LEKR1: variants seen among roughly 807,000 people sequenced by gnomAD.
LEKR1 encodes the protein leucine, glutamate and lysine rich 1.
A neutral mutation model predicts 72.4 loss-of-function variants in LEKR1; 59 were observed. The ratio of observed to expected loss-of-function variants is 0.82; its 90% CI spans 0.66 to 1.01. The LOEUF is 1.01. LEKR1 is among the 50% of genes least tolerant of loss of function. The pLI, the probability that LEKR1 is intolerant of heterozygous loss-of-function variation, is 0.00. For synonymous variants in LEKR1, 257 were observed against 263.2 expected (o/e 0.98, Z 0.23); for missense variants, 728 against 759.2 (o/e 0.96, Z 0.48).
At chr3:156,978,394 T>G (rs1729890987) in intron 6 of LEKR1, among the ~76,000 whole-genome samples, 1 of 152,340 alleles carries the variant, frequency 6.6e-6, no homozygotes, top group East Asian at 1.9e-4. Context: ...TTGAACATTT[T>G]TTTTCTGGAG....
At chr3:156,953,866 T>C (rs1375826539) in intron 6 of LEKR1, among the ~76,000 whole-genome samples, 18 of 151,998 alleles carry the variant, frequency 1.2e-4, no homozygotes, top group Admixed American at 5.3e-4. Context: ...TTATTTATAT[T>C]CCTCTGGGTA....
At chr3:156,988,369 G>T (rs1730876858) in intron 7 of LEKR1, 1 of 229,796 alleles carries the variant, frequency 4.4e-6, no homozygotes, top group Non-Finnish European at 9.1e-6. Flanking sequence ...CTGCCAGTTT[G>T]TTGGGGAGCT....
At chr3:157,044,976 G>A (rs1421992611) in intron 12 of LEKR1, among the ~76,000 whole-genome samples, 1 of 152,126 alleles carries the variant, frequency 6.6e-6, no homozygotes, top group African/African-American at 2.4e-5. Flanking sequence ...AGAGCATACT[G>A]TCTGCGACTT....
chr3:156,897,918 A>G (rs1721361971), intron 3 of LEKR1, among the ~76,000 whole-genome samples: 1 of 150,306 alleles, frequency 6.7e-6, no homozygotes, highest in East Asian at 1.9e-4. Flanking sequence ...GTGCCACTGC[A>G]CTCCAGCCTG....
At chr3:156,849,546 G>A (rs1022613679) in intron 2 of LEKR1, among the ~76,000 whole-genome samples, 2 of 152,138 alleles carry the variant, frequency 1.3e-5, no homozygotes, top group Non-Finnish European at 2.9e-5. Context: ...CATGGTACTG[G>A]TACCAAAACA....
intron 3 of LEKR1, among the ~76,000 whole-genome samples, chr3:156,899,876 G>A (rs1721834003): frequency 6.6e-6 from 1 of 151,572 alleles, no homozygotes; most frequent in East Asian, 1.9e-4. Flanking sequence ...GTGTATTTAG[G>A]TGTGCAAATA....
chr3:157,012,523 C>A (rs921985183), intron 10 of LEKR1, among the ~76,000 whole-genome samples: 2 of 152,092 alleles, frequency 1.3e-5, no homozygotes, highest in Non-Finnish European at 2.9e-5. Context: ...ATACTGAAAC[C>A]CTTTAGGTAT....
At chr3:157,035,065 T>C (rs1734866485) in intron 12 of LEKR1, among the ~76,000 whole-genome samples, 1 of 152,246 alleles carries the variant, frequency 6.6e-6, no homozygotes, top group Admixed American at 6.5e-5. Flanking sequence ...AGATGATTGA[T>C]AGCATTTTTT....
At chr3:157,027,393 AT>A (rs1384714769) in intron 11 of LEKR1, among the ~76,000 whole-genome samples, 1 of 152,118 alleles carries the variant, frequency 6.6e-6, no homozygotes, top group Non-Finnish European at 1.5e-5. Context: ...TTAAAGAAAA[AT>A]TTATTGGTAC....
At chr3:156,835,498 C>T (rs879502651) in intron 2 of LEKR1, among the ~76,000 whole-genome samples, 7 of 152,168 alleles carry the variant, frequency 4.6e-5, no homozygotes, top group African/African-American at 7.2e-5. Context: ...CGCTATAGGA[C>T]GAGATAGTGA....
chr3:156,967,706 A>G (rs1158779345), intron 6 of LEKR1, among the ~76,000 whole-genome samples: 2 of 152,230 alleles, frequency 1.3e-5, no homozygotes, highest in African/African-American at 2.4e-5. Context: ...ACTCTGCAGG[A>G]TATTATCCAG....
chr3:157,042,408 G>T (rs1314271220), intron 12 of LEKR1, among the ~76,000 whole-genome samples: 2 of 152,180 alleles, frequency 1.3e-5, no homozygotes, highest in East Asian at 3.8e-4. Flanking sequence ...GTCAGTGTTG[G>T]TGGAAACTAT....
intron 12 of LEKR1, among the ~76,000 whole-genome samples, chr3:157,038,560 T>G (rs141247145): frequency 6.6e-6 from 1 of 152,244 alleles, no homozygotes; most frequent in Admixed American, 6.5e-5. Flanking sequence ...ACAGGCACTC[T>G]TAACTTTTAG....
At chr3:156,941,944 T>A (rs186195287) in intron 5 of LEKR1, among the ~76,000 whole-genome samples, 4 of 152,184 alleles carry the variant, frequency 2.6e-5, no homozygotes, top group Admixed American at 6.6e-5. Flanking sequence ...AATAATGACA[T>A]GATTATTATG....
intron 3 of LEKR1, among the ~76,000 whole-genome samples, chr3:156,884,218 A>C (rs1169995606): frequency 1.3e-5 from 2 of 152,150 alleles, no homozygotes; most frequent in African/African-American, 4.8e-5. Context: ...GTGGATTTTC[A>C]TCCATTCTGC....
At chr3:157,029,621 T>G (rs1265212854) in intron 12 of LEKR1, among the ~76,000 whole-genome samples, 1 of 152,180 alleles carries the variant, frequency 6.6e-6, no homozygotes, top group Non-Finnish European at 1.5e-5. Context: ...TTAAGTTCTC[T>G]TGTTGTTACA....
intron 12 of LEKR1, among the ~76,000 whole-genome samples, chr3:157,043,303 C>T (rs1241232912): frequency 6.6e-6 from 1 of 152,278 alleles, no homozygotes; most frequent in South Asian, 2.1e-4. Flanking sequence ...TGGACTAATA[C>T]ACCACTTTAA....
At chr3:156,849,813 A>G (rs1447816806) in intron 2 of LEKR1, among the ~76,000 whole-genome samples, 1 of 152,184 alleles carries the variant, frequency 6.6e-6, no homozygotes, top group African/African-American at 2.4e-5. Flanking sequence ...CCCTAGAAGA[A>G]AACCTAGGCA....
At chr3:156,934,554 C>T (rs1238359296) in intron 5 of LEKR1, among the ~76,000 whole-genome samples, 4 of 152,068 alleles carry the variant, frequency 2.6e-5, no homozygotes, top group Non-Finnish European at 4.4e-5. Context: ...TTTTAAAATT[C>T]AGTTTGGAAG....
Sources: gnomAD v4.1 joint callset for allele counts (sites outside exome capture counted in the v4.1 genomes callset) on GRCh38, gnomAD v4.1.1 for gene constraint, MANE v1.5 for transcripts, NCBI Gene and HGNC (gene_info 2026-07-23, HGNC 2026-07-21) for gene names.